C19orf47: variants seen among roughly 807,000 people sequenced by gnomAD.
C19orf47 encodes the protein uncharacterized protein C19orf47.
A neutral mutation model predicts 32.3 loss-of-function variants in C19orf47; 18 were observed. That is an observed-to-expected ratio of 0.56 (90% confidence interval 0.39 to 0.83). The LOEUF (loss-of-function observed/expected upper bound fraction) is 0.83, where lower values mean the gene tolerates loss of function less well. C19orf47 is among the 40% of genes least tolerant of loss of function. C19orf47 has a pLI of 0.00. For synonymous variants in C19orf47, 202 were observed against 211.1 expected (o/e 0.96, Z 0.37); for missense variants, 484 against 531.6 (o/e 0.91, Z 0.88).
At chr19:40,317,573 G>A (rs4803324), downstream of C19orf47, among the ~76,000 whole-genome samples, 60,089 of 151,838 alleles carry the variant, frequency 0.4, 13,161 homozygotes, top group South Asian at 0.61. Context: ...GAGCAGCTGG[G>A]AGGTGGAGGC....
chr19:40,335,955 T>C (rs913616238), intron 4 of C19orf47, among the ~76,000 whole-genome samples, 155 bp downstream of exon 4: 1 of 152,080 alleles, frequency 6.6e-6, no homozygotes, highest in African/African-American at 2.4e-5. Context: ...CTCAGAGAGG[T>C]TGGGCAATGT....
At chr19:40,340,638 G>A (rs1229156815) in intron 2 of C19orf47, among the ~76,000 whole-genome samples, 1 of 150,816 alleles carries the variant, frequency 6.6e-6, no homozygotes, top group African/African-American at 2.4e-5. Flanking sequence ...CGGAGATCAT[G>A]CCACTGCACT....
chr19:40,299,541 C>G, the C19orf47 span: 1 of 152,204 alleles, frequency 6.6e-6, no homozygotes, highest in Non-Finnish European at 1.5e-5. Context: ...CTAATCTTCT[C>G]TGCATCATTC....
intron 5 of C19orf47, among the ~76,000 whole-genome samples, chr19:40,330,283 C>T (rs2077922995): frequency 6.6e-6 from 1 of 150,996 alleles, no homozygotes; most frequent in South Asian, 2.1e-4. Context: ...GGCTGGAGTG[C>T]AGTGGCGCGA....
intron 2 of C19orf47, among the ~76,000 whole-genome samples, chr19:40,337,885 G>A (rs1374675890): frequency 6.6e-6 from 1 of 152,160 alleles, no homozygotes; most frequent in Non-Finnish European, 1.5e-5. Flanking sequence ...ATTTCCCTAT[G>A]TTGTGCAGGC....
At chr19:40,310,803 T>C in the C19orf47 span, among the ~76,000 whole-genome samples, 1 of 152,152 alleles carries the variant, frequency 6.6e-6, no homozygotes, top group South Asian at 2.1e-4. Flanking sequence ...AAAACTCCAG[T>C]AACACTGACT....
At chr19:40,295,610 AT>A in the C19orf47 span, among the ~76,000 whole-genome samples, 1 of 150,782 alleles carries the variant, frequency 6.6e-6, no homozygotes, top group Non-Finnish European at 1.5e-5. Context: ...TAATTTTTGT[AT>A]TTTTAGTAGA....
chr19:40,294,737 AGTGTCAGCCT>A, the C19orf47 span, among the ~76,000 whole-genome samples: 1 of 152,150 alleles, frequency 6.6e-6, no homozygotes, highest in Non-Finnish European at 1.5e-5. Flanking sequence ...TGAGGGTGCA[AGTGTCAGCCT>A]GTGTCAGCCA....
At chr19:40,345,536 TA>T (rs55954294) in intron 1 of C19orf47, among the ~76,000 whole-genome samples, 25,644 of 110,424 alleles carry the variant, frequency 0.23, 2,987 homozygotes, top group South Asian at 0.43. Context: ...CTGTCACTGT[TA>T]AAAAAAAAAA....
intron 1 of C19orf47, among the ~76,000 whole-genome samples, chr19:40,347,859 A>T (rs2078349130): frequency 6.6e-6 from 1 of 152,036 alleles, no homozygotes; most frequent in African/African-American, 2.4e-5. Context: ...ACACACACAG[A>T]TTTCATCAGA....
chr19:40,298,695 A>G, the C19orf47 span, among the ~76,000 whole-genome samples: 1 of 152,214 alleles, frequency 6.6e-6, no homozygotes, highest in Non-Finnish European at 1.5e-5. Context: ...ATATAATTAT[A>G]TAACTACTAT....
chr19:40,309,091 G>C, the C19orf47 span, among the ~76,000 whole-genome samples: 5 of 151,898 alleles, frequency 3.3e-5, no homozygotes, highest in Middle Eastern at 3.4e-3. Context: ...AGTGGATATT[G>C]AAAATGATCA....
At chr19:40,332,888 A>G (rs1314012471) in intron 5 of C19orf47, among the ~76,000 whole-genome samples, 1 of 152,190 alleles carries the variant, frequency 6.6e-6, no homozygotes, top group Non-Finnish European at 1.5e-5. Flanking sequence ...TCTGTAAACA[A>G]GCATCCTTTG....
chr19:40,335,721 T>C (rs892227134), intron 4 of C19orf47, among the ~76,000 whole-genome samples: 2 of 151,966 alleles, frequency 1.3e-5, no homozygotes, highest in Non-Finnish European at 2.9e-5. Context: ...GTCATTCTCC[T>C]GCCTCAGCCT....
the C19orf47 span, among the ~76,000 whole-genome samples, chr19:40,293,557 C>T: frequency 2.6e-5 from 4 of 151,970 alleles, no homozygotes; most frequent in African/African-American, 9.7e-5. Flanking sequence ...CCTCCGCTTC[C>T]CGGGTTCAAG....
chr19:40,323,873 A>T, intron 8 of C19orf47, 133 bp downstream of exon 8: 1 of 1,109,962 alleles, frequency 9.0e-7, no homozygotes, highest in Non-Finnish European at 1.4e-6. Context: ...GTGCAAAGCC[A>T]GGAACTGAGG....
At chr19:40,335,782 T>TGTATTTTG (rs906243292) in intron 4 of C19orf47, among the ~76,000 whole-genome samples, 5 of 152,210 alleles carry the variant, frequency 3.3e-5, no homozygotes, top group African/African-American at 1.2e-4. Flanking sequence ...GCTAATTTTT[T>TGTATTTTG]GTATTTTTAG....
chr19:40,321,998 T>C lies in C19orf47; in HGVS notation c.1042A>G (p.Ile348Val), dbSNP rs1214968396. ...SKSSAEVKVT[I>V]KRTLVGPRGS... ...CGGGGCCCCACCAGAGTCCTCTTAA[T>C]GGTGACCTTGACCTCGGCTGAGGAC... Residue 348 changes from isoleucine to valine, a missense_variant, in exon 9 of 9, where the codon ATT becomes GTT. This residue lies in a region of C19orf47 where 51 missense variants were observed against 74.5 expected (regional missense o/e 0.68). Coordinates refer to ENST00000683109, the MANE Select transcript of C19orf47 (RefSeq NM_001256441.2). 6.2e-7 allele frequency: 1 copy of C among 1,613,962 alleles called. No homozygotes were observed. Among genetic ancestry groups the C allele is most frequent in the Non-Finnish European group, 8.5e-7 (1 of 1,179,972 alleles).
chr19:40,325,486 G>A lies in C19orf47; in HGVS notation c.592+848C>T, dbSNP rs568233877. The stretch of plus-strand genomic sequence containing the variant: ...CTACAAAAAATACAAAAATTAGGTG[G>A]GCATGGTGGCATGAGCCTGTAGTCC... On this transcript the variant is annotated intron_variant, in intron 7 of 8. Transcript: ENST00000683109. Among the ~76,000 whole-genome samples the A allele has an allele frequency of 1.5e-4, 23 of 152,026 alleles. No homozygotes were observed. The East Asian group carries it at 3.9e-3, about 26-fold the overall frequency.
Sources: allele counts gnomAD v4.1 joint callset (sites outside exome capture counted in the v4.1 genomes callset), GRCh38; gene constraint gnomAD v4.1.1; regional missense constraint gnomAD v4.1.1; transcripts MANE v1.5; gene names NCBI Gene and HGNC (gene_info 2026-07-23, HGNC 2026-07-21).